The following MED13L variants were observed in gnomAD, a reference collection of about 807,000 sequenced individuals.
MED13L encodes the protein mediator of RNA polymerase II transcription subunit 13-like.
Under a neutral mutation model 220.9 loss-of-function variants are expected in MED13L, and 7 were observed. The ratio of observed to expected loss-of-function variants is 0.03; its 90% CI spans 0.02 to 0.06. MED13L has a LOEUF of 0.06. Among genes scored for constraint, MED13L ranks in the 10% least tolerant of loss-of-function variants. MED13L has a pLI of 1.00. For missense variants in MED13L, 1,965 were observed against 2,760.5 expected (o/e 0.71, Z 6.46); for synonymous variants, 1,011 against 1,015.2 (o/e 1.00, Z 0.08).
intron 5 of MED13L, 32 bp downstream of exon 5, chr12:116,022,424 T>C (rs746911869): frequency 2.5e-6 from 4 of 1,612,792 alleles, no homozygotes; most frequent in South Asian, 1.1e-5. Context: ...CGGTGGCGGA[T>C]AGGGGTGGAG....
rs559965645 is a variant in MED13L, at chr12:116,178,579, T to C, written c.310+58889A>G. 1.4e-4 allele frequency among the ~76,000 whole-genome samples: 21 copies of C among 152,340 alleles called. No homozygotes were observed. The Middle Eastern group carries it at 0.014, about 99-fold the overall frequency. ...ATACAAACAGAAGAACATGAATATATCTTTGTTAGTAGCAAAATGAACACT... is the reference window on the plus strand; with the variant it reads ...ATACAAACAGAAGAACATGAATATACCTTTGTTAGTAGCAAAATGAACACT... On this transcript the variant is annotated intron_variant, in intron 2 of 30. Coordinates refer to ENST00000281928, the MANE Select transcript of MED13L (RefSeq NM_015335.5).
chr12:116,179,204 C>CGTGTGT lies in MED13L; in HGVS notation c.310+58258_310+58263dup, dbSNP rs60501771. Among the ~76,000 whole-genome samples the CGTGTGT allele has an allele frequency of 9.4e-3, 1,391 of 148,182 alleles. 6 individuals are homozygous for CGTGTGT. Among genetic ancestry groups the CGTGTGT allele is most frequent in the African/African-American group, 0.026 (1,033 of 40,384 alleles). Reference sequence around the variant, plus strand: ...AAATAATTTAAAATTTGACGATTTACGTGTGTGTGTGTGTGTGTGTGTGTG... The same window carrying CGTGTGT: ...AAATAATTTAAAATTTGACGATTTACGTGTGTGTGTGTGTGTGTGTGTGTGTGTGTG... On this transcript the variant is annotated intron_variant, in intron 2 of 30. Transcript: ENST00000281928.
chr12:115,961,149 G>T lies in MED13L; in HGVS notation c.*117C>A. On this transcript the variant is annotated 3_prime_UTR_variant, in exon 31 of 31. Transcript: ENST00000281928. ...CTGCTGAGAAGGAATCACAGTGCAGGACTGTGGAGAGTGGTCTGAAGAAAA... is the reference window on the plus strand; with the variant it reads ...CTGCTGAGAAGGAATCACAGTGCAGTACTGTGGAGAGTGGTCTGAAGAAAA... 1 of 1,301,110 alleles carries T rather than the reference G, an allele frequency of 7.7e-7. No individual in the cohort carries two copies. Among genetic ancestry groups the T allele is most frequent in the Non-Finnish European group, 1.1e-6 (1 of 905,044 alleles). The allele number at this position is 1,301,110 out of a possible 1,614,324, so 80.6% of individuals were successfully genotyped here. A position where few individuals can be genotyped will look rare whatever the true frequency, so the allele number is the denominator to read the frequency against.
intron 14 of MED13L, among the ~76,000 whole-genome samples, chr12:116,001,929 A>G (rs2137353992): frequency 2.0e-5 from 3 of 152,374 alleles, no homozygotes; most frequent in Non-Finnish European, 4.4e-5. Flanking sequence ...GTTATCAGAC[A>G]TTCTAACATT....
intron 2 of MED13L, among the ~76,000 whole-genome samples, chr12:116,156,501 C>T (rs1425861142): frequency 2.0e-5 from 3 of 151,490 alleles, no homozygotes; most frequent in Non-Finnish European, 2.9e-5. Flanking sequence ...GCATCAGTGG[C>T]AAGTTAAGGA....
Position 116,116,882 on chromosome 12 carries a change from T to C in MED13L, c.311-5370A>G, listed in dbSNP as rs190063607. ...GTGAGAGTACATGAGAAAAAGAGTT[T>C]GTTTTTCCCTAGAACCTTACATCCT... On this transcript the variant is annotated intron_variant, in intron 2 of 30. Transcript: ENST00000281928. Among the ~76,000 whole-genome samples the C allele has an allele frequency of 9.6e-3, 1,449 of 151,238 alleles. 14 individuals are homozygous for C. Among genetic ancestry groups the C allele is most frequent in the Admixed American group, 0.017 (261 of 15,254 alleles).
At chr12:116,162,278 C>T (rs1409293342) in intron 2 of MED13L, among the ~76,000 whole-genome samples, 1 of 152,148 alleles carries the variant, frequency 6.6e-6, no homozygotes, top group Non-Finnish European at 1.5e-5. Context: ...TCCTCATTCC[C>T]ACCTCACAAA....
At chr12:116,074,440 C>T (rs190207353) in intron 4 of MED13L, among the ~76,000 whole-genome samples, 55 of 152,222 alleles carry the variant, frequency 3.6e-4, no homozygotes, top group Admixed American at 9.2e-4. Flanking sequence ...ATTTAAAATA[C>T]GCCCAATTTT....
In MED13L at chr12:116,114,946, A is replaced by G. The variant is rs78661051; in HGVS notation, c.311-3434T>C. Among the ~76,000 whole-genome samples the G allele has an allele frequency of 7.1e-4, 108 of 152,324 alleles. 1 individual carries two copies. In the East Asian group the frequency reaches 0.02, roughly 28 times the overall value. On this transcript the variant is annotated intron_variant, in intron 2 of 30. Coordinates refer to ENST00000281928, the MANE Select transcript of MED13L (RefSeq NM_015335.5). ...CAAACGAAATAAAAAAGATAAATAA[A>G]TTGACCACAAAATAGAAAAATTCTT...
At chr12:116,214,744 T>C (rs1054984303) in intron 2 of MED13L, among the ~76,000 whole-genome samples, 1 of 152,198 alleles carries the variant, frequency 6.6e-6, no homozygotes, top group Non-Finnish European at 1.5e-5. Flanking sequence ...ACAGTTCACA[T>C]TGCAACTAAA....
At chr12:116,251,099 C>G (rs1871509470) in intron 1 of MED13L, among the ~76,000 whole-genome samples, 1 of 146,562 alleles carries the variant, frequency 6.8e-6, no homozygotes, top group African/African-American at 2.5e-5. Context: ...ATAAATGGAG[C>G]CATAAAAAAT....
At chr12:116,226,044 T>C (rs1868949760) in intron 2 of MED13L, among the ~76,000 whole-genome samples, 1 of 147,262 alleles carries the variant, frequency 6.8e-6, no homozygotes, top group South Asian at 2.2e-4. Flanking sequence ...CACTTCATCT[T>C]TATCTAATTT....
chr12:116,111,404 ACT>A, intron 3 of MED13L, 22 bp downstream of exon 3: 1 of 1,596,728 alleles, frequency 6.3e-7, no homozygotes, highest in Non-Finnish European at 8.6e-7. Context: ...TCTGCAAACC[ACT>A]GTCTGCTGTT....
Position 116,006,335 on chromosome 12 carries a change from A to G in MED13L, c.2315T>C (p.Met772Thr). 1 of 1,614,004 alleles carries G rather than the reference A, an allele frequency of 6.2e-7. No individual in the cohort carries two copies. ...STPVPDGKNAMSIFSSATKTD... is the reference protein window; with the variant it reads ...STPVPDGKNATSIFSSATKTD... Reference sequence around the variant, plus strand: ...TTTAGTAGCAGAACTGAAAATAGACATGGCATTTTTCCCATCAGGCACCGG... The same window carrying G: ...TTTAGTAGCAGAACTGAAAATAGACGTGGCATTTTTCCCATCAGGCACCGG... Residue 772 changes from methionine to threonine, a missense_variant, in exon 12 of 31, where the codon ATG becomes ACG. By Grantham distance (81) the Met-to-Thr change is moderately conservative (BLOSUM62 -1). This residue lies in a region of MED13L where 818 missense variants were observed against 1,041.2 expected (regional missense o/e 0.79). Coordinates refer to ENST00000281928, the MANE Select transcript of MED13L (RefSeq NM_015335.5).
intron 1 of MED13L, among the ~76,000 whole-genome samples, chr12:116,264,174 A>T (rs1872679018): frequency 6.6e-6 from 1 of 152,178 alleles, no homozygotes; most frequent in Non-Finnish European, 1.5e-5. Flanking sequence ...TAAAGAGGCA[A>T]CCCTTAAAAT....
chr12:116,069,267 T>TTA (rs1482778987), intron 4 of MED13L, among the ~76,000 whole-genome samples: 3 of 152,248 alleles, frequency 2.0e-5, no homozygotes, highest in African/African-American at 7.2e-5. Context: ...CCCTAGTAGA[T>TTA]GCTATCTAGC....
intron 4 of MED13L, among the ~76,000 whole-genome samples, chr12:116,087,855 T>G (rs552180475): frequency 6.6e-6 from 1 of 152,210 alleles, no homozygotes; most frequent in Non-Finnish European, 1.5e-5. Context: ...AGATCTTTTA[T>G]GTCTATACAT....
intron 1 of MED13L, among the ~76,000 whole-genome samples, chr12:116,258,018 A>C (rs1467129143): frequency 6.6e-6 from 1 of 152,188 alleles, no homozygotes; most frequent in Non-Finnish European, 1.5e-5. Context: ...GCAAATCTAT[A>C]TGCTCCAGTG....
intron 3 of MED13L, among the ~76,000 whole-genome samples, chr12:116,108,174 T>G (rs1432827475): frequency 6.6e-6 from 1 of 151,700 alleles, no homozygotes; most frequent in East Asian, 1.9e-4. Flanking sequence ...ACATCTTATC[T>G]GAATAGAAAT....
Sources: allele counts gnomAD v4.1 joint callset (sites outside exome capture counted in the v4.1 genomes callset), GRCh38; gene constraint gnomAD v4.1.1; regional missense constraint gnomAD v4.1.1; transcripts MANE v1.5; gene names NCBI Gene and HGNC (gene_info 2026-07-23, HGNC 2026-07-21).